KIF13B: variants seen among roughly 807,000 people sequenced by gnomAD.
The protein encoded by KIF13B is kinesin family member 13B.
A neutral mutation model predicts 222.0 loss-of-function variants in KIF13B; 127 were observed. The ratio of observed to expected loss-of-function variants is 0.57; its 90% CI spans 0.50 to 0.66. The LOEUF (loss-of-function observed/expected upper bound fraction) is 0.66. Ranked by LOEUF, KIF13B falls within the 30% of genes least tolerant of loss-of-function variation. The pLI, the probability that KIF13B is intolerant of heterozygous loss-of-function variation, is 0.00. For missense variants in KIF13B, 2,173 were observed against 2,379.0 expected, an observed-to-expected ratio of 0.91 and a Z score of 1.80; for synonymous variants, 976 against 919.0, an observed-to-expected ratio of 1.06 and a Z score of -1.12.
chr8:29,183,164 G>GTTT (rs140190406), intron 6 of KIF13B, among the ~76,000 whole-genome samples: 7 of 104,812 alleles, frequency 6.7e-5, no homozygotes, highest in Admixed American at 3.0e-4. Context: ...AATCCTTAAA[G>GTTT]TTTGTTTTTT....
chr8:29,219,976 A>C (rs1435593811), intron 2 of KIF13B, among the ~76,000 whole-genome samples: 2 of 152,090 alleles, frequency 1.3e-5, no homozygotes, highest in Non-Finnish European at 2.9e-5. Context: ...AGGTGGAAGG[A>C]TCACATGAGC....
At chr8:29,081,976 A>G (rs1208311276) in intron 37 of KIF13B, among the ~76,000 whole-genome samples, 4 of 152,250 alleles carry the variant, frequency 2.6e-5, no homozygotes, top group African/African-American at 9.6e-5. Context: ...ACAAGTTTCA[A>G]ATTAACTGAA....
intron 37 of KIF13B, among the ~76,000 whole-genome samples, chr8:29,084,579 C>A (rs1232546973): frequency 6.6e-6 from 1 of 152,158 alleles, no homozygotes; most frequent in East Asian, 1.9e-4. Flanking sequence ...CAAGACAGGC[C>A]GGCATTGTGA....
chr8:29,136,186 T>C (rs185057422), intron 21 of KIF13B, among the ~76,000 whole-genome samples: 1 of 152,336 alleles, frequency 6.6e-6, no homozygotes, highest in Non-Finnish European at 1.5e-5. Flanking sequence ...AAAACCATCA[T>C]TTTCTCATTA....
At chr8:29,247,920 T>C (rs968839362) in intron 1 of KIF13B, among the ~76,000 whole-genome samples, 3 of 136,468 alleles carry the variant, frequency 2.2e-5, no homozygotes, top group Admixed American at 7.2e-5. Flanking sequence ...AAAACAGATA[T>C]AAAAATGGCC....
chr8:29,239,002 T>C (rs76669239), intron 2 of KIF13B, among the ~76,000 whole-genome samples: 11,531 of 152,204 alleles, frequency 0.076, 567 homozygotes, highest in Non-Finnish European at 0.11. Flanking sequence ...CACACCACTA[T>C]ACGCCAGCCT....
At chr8:29,202,730 T>C (rs757499265) in intron 2 of KIF13B, among the ~76,000 whole-genome samples, 30 of 152,186 alleles carry the variant, frequency 2.0e-4, no homozygotes, top group Non-Finnish European at 4.1e-4. Context: ...GAAGCTGCCT[T>C]AGATTCACTG....
At chr8:29,213,754 G>C (rs1483124290) in intron 2 of KIF13B, among the ~76,000 whole-genome samples, 1 of 151,866 alleles carries the variant, frequency 6.6e-6, no homozygotes, top group Admixed American at 6.6e-5. Context: ...TTCGAAACGA[G>C]CCTGGCCGAC....
chr8:29,098,170 C>CAAACAAAAAAAAAAAAAAAAAAAAAAA (rs1808622004), intron 36 of KIF13B, among the ~76,000 whole-genome samples: 1 of 30,318 alleles, frequency 3.3e-5, no homozygotes, highest in Non-Finnish European at 5.9e-5. Context: ...GACTCCATCT[C>CAAACAAAAAAAAAAAAAAAAAAAAAAA]AAAAAAAAAA....
At chr8:29,075,001 G>C (rs1328310943) in intron 38 of KIF13B, among the ~76,000 whole-genome samples, 5 of 152,186 alleles carry the variant, frequency 3.3e-5, no homozygotes, top group Non-Finnish European at 7.3e-5. Flanking sequence ...AGATTGTTCT[G>C]TTTATAGAAA....
intron 2 of KIF13B, among the ~76,000 whole-genome samples, chr8:29,207,169 T>C (rs975341819): frequency 2.0e-5 from 3 of 151,966 alleles, no homozygotes; most frequent in Non-Finnish European, 4.4e-5. Flanking sequence ...ACTCCCCAAC[T>C]CTCCAGCCTC....
chr8:29,160,952 A>C, intron 12 of KIF13B, 85 bp from the exon 13 acceptor site: 1 of 1,132,418 alleles, frequency 8.8e-7, no homozygotes, highest in South Asian at 1.5e-5. Context: ...TGTTACAATT[A>C]TTCAATAGTG....
chr8:29,180,226 A>G lies in KIF13B; in HGVS notation c.598T>C (p.Leu200=), dbSNP rs772776390. ...CGAGATTTGTTACCCTCAGACATCA[A>G]CGACTCAATATCCTAAGTGGAAACA... ...AVTSYKDIES[L]MSEGNKSRTV... is the part of the protein sequence containing the mutation. The change falls in exon 8 of 40, where the codon TTG becomes CTG. Residue 200 remains leucine (L), a synonymous_variant. Transcript: ENST00000524189. 1.2e-6 allele frequency: 2 copies of G among 1,614,050 alleles called. No individual in the cohort carries two copies. Among genetic ancestry groups the G allele is most frequent in the South Asian group, 2.2e-5 (2 of 91,092 alleles).
At chr8:29,094,982 AAAG>A (rs969030039) in intron 36 of KIF13B, among the ~76,000 whole-genome samples, 3 of 151,830 alleles carry the variant, frequency 2.0e-5, no homozygotes, top group African/African-American at 7.2e-5. Flanking sequence ...AAAAAAAAAA[AAAG>A]AACAGAGCCT....
At chr8:29,164,941 G>A (rs375374566) in intron 12 of KIF13B, among the ~76,000 whole-genome samples, 266 of 151,796 alleles carry the variant, frequency 1.8e-3, no homozygotes, top group African/African-American at 6.3e-3. Context: ...TCCACCTCCC[G>A]GGTTCAAGCG....
intron 8 of KIF13B, among the ~76,000 whole-genome samples, chr8:29,179,468 T>C (rs1177843290): frequency 6.6e-6 from 1 of 152,172 alleles, no homozygotes; most frequent in Non-Finnish European, 1.5e-5. Context: ...AGTTTAAAAC[T>C]CAAAAACTGC....
At chr8:29,240,479 T>C (rs1025691271) in intron 2 of KIF13B, among the ~76,000 whole-genome samples, 4 of 152,260 alleles carry the variant, frequency 2.6e-5, no homozygotes, top group Non-Finnish European at 5.9e-5. Context: ...GCAGTTCACA[T>C]AGGTTTAAAC....
intron 15 of KIF13B, among the ~76,000 whole-genome samples, chr8:29,149,944 GACT>G (rs781431362): frequency 3.3e-5 from 5 of 151,854 alleles, no homozygotes; most frequent in African/African-American, 7.3e-5. Flanking sequence ...CTAAAACCAC[GACT>G]ACGTTTCCGT....
rs1228775283 is a variant in KIF13B, at chr8:29,067,864, C to A, written c.*2640G>T. On this transcript the variant is annotated 3_prime_UTR_variant, in exon 40 of 40. Coordinates refer to ENST00000524189, the MANE Select transcript of KIF13B (RefSeq NM_015254.4). ...CCCAGAAACATCTTCCCCCTCCTCA[C>A]CTCTGCCCTCCCGCTCCCTCTGGTC... is the stretch of plus-strand genomic sequence containing the variant. 1.3e-5 allele frequency: 2 copies of A among 152,806 alleles called. No homozygotes were observed. The highest frequency in any genetic ancestry group is 2.4e-5 in the African/African-American group (1 of 41,474). The allele number at this position is 152,806 out of a possible 1,614,324, so 9.5% of individuals were successfully genotyped here. A position where few individuals can be genotyped will look rare whatever the true frequency, so the allele number is the denominator to read the frequency against.
Sources: gnomAD v4.1 joint callset for allele counts (sites outside exome capture counted in the v4.1 genomes callset) on GRCh38, gnomAD v4.1.1 for gene constraint, MANE v1.5 for transcripts, NCBI Gene and HGNC (gene_info 2026-07-23, HGNC 2026-07-21) for gene names.